MYOT: variants seen among roughly 807,000 people sequenced by gnomAD.
The protein encoded by MYOT is myotilin.
Under a neutral mutation model 58.0 loss-of-function variants are expected in MYOT, and 36 were observed. The ratio of observed to expected loss-of-function variants is 0.62; its 90% CI spans 0.48 to 0.82. The LOEUF is 0.82. Among genes scored for constraint, MYOT ranks in the 40% least tolerant of loss-of-function variants. The pLI is 0.00. For missense variants in MYOT, 505 were observed against 592.1 expected (o/e 0.85, Z 1.53); for synonymous variants, 218 against 204.6 (o/e 1.07, Z -0.56).
intron 2 of MYOT, among the ~76,000 whole-genome samples, chr5:137,875,352 A>T (rs1261129709): frequency 6.6e-6 from 1 of 152,226 alleles, no homozygotes; most frequent in African/African-American, 2.4e-5. Flanking sequence ...AAGCAGGGAA[A>T]GAGGTGGAAA....
intron 3 of MYOT, among the ~76,000 whole-genome samples, chr5:137,876,500 G>C (rs1755225731): frequency 6.6e-6 from 1 of 152,170 alleles, no homozygotes; most frequent in Non-Finnish European, 1.5e-5. Flanking sequence ...AATATTCAGT[G>C]CTCATTTAAT....
At chr5:137,874,921 C>G (rs1437163110) in intron 2 of MYOT, among the ~76,000 whole-genome samples, 5 of 151,604 alleles carry the variant, frequency 3.3e-5, no homozygotes, top group Non-Finnish European at 7.4e-5. Flanking sequence ...AAAGATTATT[C>G]ACTAAAAGCC....
rs746724861 is a variant in MYOT, at chr5:137,870,900, A to C, written c.249A>C (p.Gln83His). ...AGCATGCTGGCTCCAACCCAGGCCA[A>C]AGGGTTACAACCACCTATAACCAGT... The part of the protein sequence containing the change: ...PQQHAGSNPG[Q>H]RVTTTYNQSP... The change falls in exon 2 of 10, where the codon CAA (glutamine) becomes CAC (histidine). Residue 83 changes from glutamine (Q) to histidine (H), a missense_variant. Physicochemically the swap from Gln to His is conservative, Grantham distance 24. Coordinates refer to ENST00000239926, the MANE Select transcript of MYOT (RefSeq NM_006790.3). The C allele has an allele frequency of 3.1e-6, 5 of 1,614,136 alleles. No individual in the cohort carries two copies. Among genetic ancestry groups the C allele is most frequent in the African/African-American group, 1.3e-5 (1 of 75,040 alleles).
chr5:137,873,218 AT>A (rs201172691), intron 2 of MYOT, among the ~76,000 whole-genome samples: 91 of 136,270 alleles, frequency 6.7e-4, no homozygotes, highest in African/African-American at 1.4e-3. Context: ...ATAAGCTAGC[AT>A]TTTTAAAAAA....
At chr5:137,877,415 G>T in intron 3 of MYOT, 105 bp from the exon 4 acceptor site, 30 of 569,036 alleles carry the variant, frequency 5.3e-5, no homozygotes, top group Non-Finnish European at 8.4e-5. Flanking sequence ...TCAATAGATA[G>T]AACTATGCTT....
chr5:137,882,697 C>A (rs1435251356), intron 6 of MYOT: 1 of 160,128 alleles, frequency 6.2e-6, no homozygotes, highest in South Asian at 1.8e-4. Context: ...CTGTGCCCAG[C>A]CTTAAAGTAT....
intron 6 of MYOT, chr5:137,883,164 G>C (rs748831138): frequency 1.9e-6 from 1 of 531,564 alleles, no homozygotes; most frequent in Non-Finnish European, 3.4e-6. Flanking sequence ...GCATGTAAAA[G>C]AGTTATGGTT....
intron 7 of MYOT, among the ~76,000 whole-genome samples, chr5:137,885,771 C>CAAAAAAAAAAAAAAA (rs71583286): frequency 9.7e-5 from 3 of 30,974 alleles, no homozygotes; most frequent in Non-Finnish European, 1.8e-4. Context: ...GACTCTGTCT[C>CAAAAAAAAAAAAAAA]AAAAAAAAAA....
intron 4 of MYOT, among the ~76,000 whole-genome samples, chr5:137,879,419 T>C (rs1755341043): frequency 6.6e-6 from 1 of 152,058 alleles, no homozygotes; most frequent in Non-Finnish European, 1.5e-5. Flanking sequence ...TATGTTGGGC[T>C]CTGCACTTGG....
chr5:137,873,858 G>C (rs1395189099), intron 2 of MYOT, among the ~76,000 whole-genome samples: 6 of 152,118 alleles, frequency 3.9e-5, no homozygotes, highest in Admixed American at 3.9e-4. Flanking sequence ...CCCATGCTCT[G>C]TGTTCGTGGA....
rs1580868984 is a variant in MYOT, at chr5:137,887,340, G to A, written c.1452G>A (p.Gln484=). ...CTTTTAACCCAGAAGGAGAATTTCA[G>A]CGTTTGGCAGCTCAATCTGGACTCT... ...KQAFNPEGEF[Q]RLAAQSGLYE... The change falls in exon 10 of 10, where the codon CAG becomes CAA. Residue 484 remains glutamine, a synonymous_variant. Coordinates refer to ENST00000239926, the MANE Select transcript of MYOT (RefSeq NM_006790.3). The A allele has an allele frequency of 1.9e-6, 3 of 1,614,012 alleles. No homozygotes were observed. Among genetic ancestry groups the A allele is most frequent in the East Asian group, 4.5e-5 (2 of 44,854 alleles).
At chr5:137,877,438 G>T in intron 3 of MYOT, 82 bp from the exon 4 acceptor site, 3 of 765,394 alleles carry the variant, frequency 3.9e-6, no homozygotes, top group African/African-American at 1.7e-5. Flanking sequence ...TTGAAGTTCT[G>T]ACCTATAGTA....
At chr5:137,881,760 G>A (rs1161745569) in intron 5 of MYOT, among the ~76,000 whole-genome samples, 1 of 151,750 alleles carries the variant, frequency 6.6e-6, no homozygotes, top group Admixed American at 6.6e-5. Context: ...GCAGCGACGC[G>A]ATCTCGGCTC....
In MYOT at chr5:137,887,672, G is replaced by T. The variant is rs1024441929; in HGVS notation, c.*287G>T. The T allele has an allele frequency of 5.5e-6, 1 of 180,764 alleles. No homozygotes were observed. The highest frequency in any genetic ancestry group is 1.1e-5 in the Non-Finnish European group (1 of 88,016). 11.2% of individuals were successfully genotyped at this position (180,764 alleles called of 1,614,324 possible). A position where few individuals can be genotyped will look rare whatever the true frequency, so the allele number is the denominator to read the frequency against. On this transcript the variant is annotated 3_prime_UTR_variant, in exon 10 of 10. Coordinates refer to ENST00000239926, the MANE Select transcript of MYOT (RefSeq NM_006790.3). ...AGTCATGCACATTTAACAATTACAG[G>T]TTATAAATTAGTATCAACTTTTTAA...
intron 6 of MYOT, 106 bp from the exon 7 acceptor site, chr5:137,883,278 C>A (rs1755493983): frequency 9.5e-6 from 9 of 948,040 alleles, no homozygotes; most frequent in Middle Eastern, 3.1e-4. Context: ...ATTTCAATCG[C>A]AAACCCACTC....
intron 8 of MYOT, 178 bp from the exon 9 acceptor site, chr5:137,886,686 G>A: frequency 1.6e-6 from 1 of 641,318 alleles, no homozygotes; most frequent in East Asian, 2.9e-5. Context: ...AGAGCAGAGG[G>A]AGACAGCACC....
At chr5:137,875,801 A>T in intron 2 of MYOT, 28 bp from the exon 3 acceptor site, 1 of 1,612,530 alleles carries the variant, frequency 6.2e-7, no homozygotes, top group Non-Finnish European at 8.5e-7. Context: ...CCTTCTTTTT[A>T]AAAATCTTTT....
At chr5:137,877,407 A>G in intron 3 of MYOT, 113 bp from the exon 4 acceptor site, 1 of 672,396 alleles carries the variant, frequency 1.5e-6, no homozygotes, top group South Asian at 1.7e-5. Flanking sequence ...TCTATCATTC[A>G]ATAGATAGAA....
At chr5:137,877,234 G>A (rs565756324) in intron 3 of MYOT, among the ~76,000 whole-genome samples, 2 of 151,960 alleles carry the variant, frequency 1.3e-5, no homozygotes, top group East Asian at 1.9e-4. Context: ...TGGGCATTGT[G>A]GCAGGCGCCT....
Sources: allele counts gnomAD v4.1 joint callset (sites outside exome capture counted in the v4.1 genomes callset), GRCh38; gene constraint gnomAD v4.1.1; transcripts MANE v1.5; gene names NCBI Gene and HGNC (gene_info 2026-07-23, HGNC 2026-07-21).